Variants in MYSM1 observed in about 807,000 individuals in gnomAD.
MYSM1 encodes the protein Myb like, SWIRM and MPN domains 1.
Under a neutral mutation model 116.0 loss-of-function variants are expected in MYSM1, and 51 were observed. That is an observed-to-expected ratio of 0.44 (90% confidence interval 0.35 to 0.56). The LOEUF is 0.56. MYSM1 is among the 20% of genes least tolerant of loss of function. MYSM1 has a pLI of 0.00. For synonymous variants in MYSM1, 313 were observed against 315.2 expected, an observed-to-expected ratio of 0.99 and a Z score of 0.07; for missense variants, 900 against 974.9, an observed-to-expected ratio of 0.92 and a Z score of 1.02.
intron 1 of MYSM1, among the ~76,000 whole-genome samples, chr1:58,698,002 G>T (rs995394107): frequency 2.0e-5 from 3 of 147,016 alleles, no homozygotes; most frequent in Non-Finnish European, 4.5e-5. Flanking sequence ...AATATCAACT[G>T]TAACTACATA....
chr1:58,664,305 A>G (rs1195793216), intron 17 of MYSM1, among the ~76,000 whole-genome samples: 1 of 152,222 alleles, frequency 6.6e-6, no homozygotes, highest in Admixed American at 6.5e-5. Context: ...AATAATATGT[A>G]TTATGTGCTA....
rs759167225 is a variant in MYSM1 at position 58,689,124 on chromosome 1, G to A, written c.321-8C>T. On this transcript the variant is annotated splice_region_variant and splice_polypyrimidine_tract_variant and intron_variant, in intron 5 of 19. Coordinates refer to ENST00000472487, the MANE Select transcript of MYSM1 (RefSeq NM_001085487.3). Reference sequence around the variant, plus strand: ...TTTGTAGGAGAGTGTACCCTGAGGGGAAAAAAAGGAATTGCAAAAAAAATT... The same window carrying A: ...TTTGTAGGAGAGTGTACCCTGAGGGAAAAAAAAGGAATTGCAAAAAAAATT... The A allele has an allele frequency of 1.4e-5, 22 of 1,580,618 alleles. 1 individual carries two copies. The South Asian group carries it at 2.5e-4, about 18-fold the overall frequency.
chr1:58,665,613 C>A lies in MYSM1; in HGVS notation c.2050G>T (p.Gly684Cys). 1 of 1,564,814 alleles carries A rather than the reference C, an allele frequency of 6.4e-7. No individual in the cohort carries two copies. The highest frequency in any genetic ancestry group is 1.7e-5 in the Admixed American group (1 of 58,618). Residue 684 changes from glycine to cysteine, a missense_variant, in exon 17 of 20, where the codon GGT becomes TGT. This residue lies in a region of MYSM1 where 186 missense variants were observed against 196.2 expected (regional missense o/e 0.95). Transcript: ENST00000472487. Reference sequence around the variant, plus strand: ...ACAATCATCCCAATGAACTTTGCACCTCCTCTGGAGAAGTAACTCTACAAT... The same window carrying A: ...ACAATCATCCCAATGAACTTTGCACATCCTCTGGAGAAGTAACTCTACAAT... ...AKYQSYFSRGGAKFIGMIVSP... is the reference protein window; with the variant it reads ...AKYQSYFSRGCAKFIGMIVSP...
rs1644330059 is a variant in MYSM1 at position 58,657,213 on chromosome 1, G to A, written c.*2784C>T. The A allele has an allele frequency of 6.8e-6, 1 of 146,608 alleles. No individual in the cohort carries two copies. Among genetic ancestry groups the A allele is most frequent in the Non-Finnish European group, 1.5e-5 (1 of 67,320 alleles). 9.1% of individuals were successfully genotyped at this position (146,608 alleles called of 1,614,324 possible). A position where few individuals can be genotyped will look rare whatever the true frequency, so the allele number is the denominator to read the frequency against. ...TAAGTCTAATACTGGGGAAGCGCTAGTGTCGATTTCCATTAGCCAAGCCAG... is the reference window on the plus strand; with the variant it reads ...TAAGTCTAATACTGGGGAAGCGCTAATGTCGATTTCCATTAGCCAAGCCAG... On this transcript the variant is annotated 3_prime_UTR_variant, in exon 20 of 20. Transcript: ENST00000472487.
chr1:58,674,476 T>G (rs899499657), intron 10 of MYSM1, among the ~76,000 whole-genome samples: 1 of 152,212 alleles, frequency 6.6e-6, no homozygotes, highest in African/African-American at 2.4e-5. Context: ...ATAACATCTT[T>G]AAGATAGTAA....
In MYSM1 at chr1:58,656,245, A is replaced by G. The variant is rs1644317714; in HGVS notation, c.*3752T>C. 6.6e-6 allele frequency: 1 copy of G among 152,286 alleles called. No individual in the cohort carries two copies. Among genetic ancestry groups the G allele is most frequent in the Non-Finnish European group, 1.5e-5 (1 of 68,072 alleles). 9.4% of individuals were successfully genotyped at this position (152,286 alleles called of 1,614,324 possible). On this transcript the variant is annotated 3_prime_UTR_variant, in exon 20 of 20. Coordinates refer to ENST00000472487, the MANE Select transcript of MYSM1 (RefSeq NM_001085487.3). ...AGACCTCAACCCCACTCCTAGGGGC[A>G]GGGAAGGAATGGTATGGACAGAAGA... is the stretch of plus-strand genomic sequence containing the variant.
chr1:58,695,062 A>AG, intron 2 of MYSM1, 67 bp downstream of exon 2: 1 of 882,884 alleles, frequency 1.1e-6, no homozygotes. Flanking sequence ...TAAAAAAAAA[A>AG]AAAGAAGAAG....
intron 12 of MYSM1, among the ~76,000 whole-genome samples, chr1:58,670,129 T>C (rs1298817588): frequency 6.6e-6 from 1 of 152,230 alleles, no homozygotes; most frequent in African/African-American, 2.4e-5. Context: ...TGCTTAATAA[T>C]GTATCCCAAG....
chr1:58,680,888 C>G (rs533826408), intron 8 of MYSM1, among the ~76,000 whole-genome samples: 1 of 150,970 alleles, frequency 6.6e-6, no homozygotes, highest in South Asian at 2.1e-4. Context: ...GTGGCACGAT[C>G]TCGGCTCACT....
Position 58,658,407 on chromosome 1 carries a change from G to T in MYSM1, c.*1590C>A, listed in dbSNP as rs1409290036. 1 of 151,694 alleles carries T rather than the reference G, an allele frequency of 6.6e-6. No homozygotes were observed. Among genetic ancestry groups the T allele is most frequent in the Non-Finnish European group, 1.5e-5 (1 of 67,962 alleles). The allele number at this position is 151,694 out of a possible 1,614,324, so 9.4% of individuals were successfully genotyped here. A position where few individuals can be genotyped will look rare whatever the true frequency, so the allele number is the denominator to read the frequency against. On this transcript the variant is annotated 3_prime_UTR_variant, in exon 20 of 20. Coordinates refer to ENST00000472487, the MANE Select transcript of MYSM1 (RefSeq NM_001085487.3). ...ATAAACTTCACAAGAGTAGTCCAAC[G>T]ATTAGAATGAACAATAAAATTTTAG...
intron 1 of MYSM1, among the ~76,000 whole-genome samples, chr1:58,698,081 A>G (rs1263863076): frequency 9.3e-5 from 5 of 53,670 alleles, no homozygotes; most frequent in Non-Finnish European, 1.8e-4. Context: ...ACTATTTATC[A>G]GACTATATAT....
intron 1 of MYSM1, among the ~76,000 whole-genome samples, chr1:58,698,102 A>ATATATATATATATATATATATATTTTT: frequency 5.1e-4 from 4 of 7,768 alleles, no homozygotes; most frequent in African/African-American, 1.0e-3. Flanking sequence ...ATATATATAT[A>ATATATATATATATATATATATATTTTT]TTTTTTTTTT....
chr1:58,661,544 A>G (rs1425580672), intron 17 of MYSM1, 33 bp from the exon 18 acceptor site: 2 of 1,193,618 alleles, frequency 1.7e-6, no homozygotes, highest in Non-Finnish European at 2.5e-6. Flanking sequence ...ATTGTCATCA[A>G]CTATTTCTTA....
chr1:58,699,246 T>G (rs949051288), intron 1 of MYSM1, among the ~76,000 whole-genome samples: 1 of 152,210 alleles, frequency 6.6e-6, no homozygotes, highest in African/African-American at 2.4e-5. Context: ...TGTGATCCCT[T>G]ACTGGATTCT....
intron 1 of MYSM1, among the ~76,000 whole-genome samples, chr1:58,698,102 A>ATTTTTTTTTTT (rs1553140002): frequency 1.2e-3 from 9 of 7,764 alleles, no homozygotes; most frequent in African/African-American, 2.1e-3. Context: ...ATATATATAT[A>ATTTTTTTTTTT]TTTTTTTTTT....
At position 58,685,312 on chromosome 1, in the gene MYSM1, G is replaced by A. The variant is rs762643953; in HGVS notation, c.400-61C>T. 78 of 1,055,880 alleles carry A rather than the reference G, an allele frequency of 7.4e-5. No individual in the cohort carries two copies. In the Middle Eastern group the frequency reaches 1.1e-3, roughly 15 times the overall value. The allele number at this position is 1,055,880 out of a possible 1,614,324, so 65.4% of individuals were successfully genotyped here. ...ATGAATTTACTTAAGAATAGTCCAA[G>A]CCACTACCACATTAAAAAAAAAAAA... On this transcript the variant is annotated intron_variant, in intron 6 of 19. Coordinates refer to ENST00000472487, the MANE Select transcript of MYSM1 (RefSeq NM_001085487.3).
chr1:58,673,197 TA>T (rs1377363955), intron 11 of MYSM1, among the ~76,000 whole-genome samples: 1 of 147,166 alleles, frequency 6.8e-6, no homozygotes, highest in Non-Finnish European at 1.5e-5. Flanking sequence ...ACAAAAAATA[TA>T]TATATTTAGA....
chr1:58,678,674 A>G lies in MYSM1; in HGVS notation c.1260-1618T>C, dbSNP rs181816969. 1.6e-3 allele frequency among the ~76,000 whole-genome samples: 249 copies of G among 152,334 alleles called. 1 individual carries two copies. Among genetic ancestry groups the G allele is most frequent in the Non-Finnish European group, 4.4e-4 (30 of 68,026 alleles). On this transcript the variant is annotated intron_variant, in intron 8 of 19. Coordinates refer to ENST00000472487, the MANE Select transcript of MYSM1 (RefSeq NM_001085487.3). ...AAAAATGTAATTATTTGTGGTAGTAATAAGTTCTATAAAGAAAATAAAATA... is the reference window on the plus strand; with the variant it reads ...AAAAATGTAATTATTTGTGGTAGTAGTAAGTTCTATAAAGAAAATAAAATA...
At chr1:58,696,555 A>G (rs1364014789) in intron 1 of MYSM1, among the ~76,000 whole-genome samples, 1 of 151,816 alleles carries the variant, frequency 6.6e-6, no homozygotes, top group Non-Finnish European at 1.5e-5. Context: ...TGTTTCTCCC[A>G]TTTTCCAAAT....
Sources: allele counts gnomAD v4.1 joint callset (sites outside exome capture counted in the v4.1 genomes callset), GRCh38; gene constraint gnomAD v4.1.1; regional missense constraint gnomAD v4.1.1; transcripts MANE v1.5; gene names NCBI Gene and HGNC (gene_info 2026-07-23, HGNC 2026-07-21).